Variants in LRP1B observed in about 807,000 individuals in gnomAD.
The protein encoded by LRP1B is LDL receptor related protein 1B.
LRP1B carries 217 observed loss-of-function variants against 556.6 expected under a neutral mutation model. The ratio of observed to expected loss-of-function variants is 0.39; its 90% CI spans 0.35 to 0.44. LRP1B has a LOEUF of 0.44. Ranked by LOEUF, LRP1B falls within the 20% of genes least tolerant of loss-of-function variation. The pLI is 1.00. For missense variants in LRP1B, 5,053 were observed against 5,620.8 expected (o/e 0.90, Z 3.23); for synonymous variants, 2,047 against 1,865.8 (o/e 1.10, Z -2.50).
chr2:141,645,946 A>G (rs1689547405), intron 2 of LRP1B, among the ~76,000 whole-genome samples: 1 of 152,134 alleles, frequency 6.6e-6, no homozygotes, highest in African/African-American at 2.4e-5. Flanking sequence ...AATTGCCTGG[A>G]ATTATAAGTT....
intron 7 of LRP1B, among the ~76,000 whole-genome samples, chr2:141,148,340 G>A (rs1490879009): frequency 6.6e-6 from 1 of 152,148 alleles, no homozygotes; most frequent in Non-Finnish European, 1.5e-5. Context: ...AAAATCCAAA[G>A]TAGCTGTGTA....
chr2:140,796,200 A>T (rs1263337981), intron 32 of LRP1B, among the ~76,000 whole-genome samples: 1 of 152,100 alleles, frequency 6.6e-6, no homozygotes, highest in African/African-American at 2.4e-5. Flanking sequence ...GCAGTTTACA[A>T]AGAAGAAACA....
intron 41 of LRP1B, among the ~76,000 whole-genome samples, chr2:140,623,974 A>ATATATATATATATATATATATATATATG (rs1683558863): frequency 2.9e-5 from 4 of 139,548 alleles, no homozygotes; most frequent in Admixed American, 2.2e-4. Context: ...ATATATATAT[A>ATATATATATATATATATATATATATATG]GCTTAGTTGT....
intron 2 of LRP1B, among the ~76,000 whole-genome samples, chr2:141,503,990 T>C (rs1300985646): frequency 6.6e-6 from 1 of 152,114 alleles, no homozygotes; most frequent in African/African-American, 2.4e-5. Flanking sequence ...CAAGGCTAAC[T>C]CCGAAAGCTA....
intron 1 of LRP1B, among the ~76,000 whole-genome samples, chr2:141,854,213 A>T (rs945264238): frequency 6.6e-6 from 1 of 151,990 alleles, no homozygotes; most frequent in African/African-American, 2.4e-5. Context: ...TTACATTTTT[A>T]AAAAGCATGA....
In LRP1B at chr2:140,632,833, G is replaced by A. The variant is rs376957045; in HGVS notation, c.6800-31194C>T. ...ATCCCAGCACTTTTGGGAGGCTGAG[G>A]CGCGTGGGTCACGAGGTCAGGAGAT... On this transcript the variant is annotated intron_variant, in intron 41 of 90. Transcript: ENST00000389484. Among the ~76,000 whole-genome samples, 282 of 152,240 alleles carry A rather than the reference G, an allele frequency of 1.9e-3. 3 individuals are homozygous for A. The South Asian group carries it at 0.02, about 11-fold the overall frequency.
chr2:140,787,156 T>C (rs1689933693), intron 32 of LRP1B, among the ~76,000 whole-genome samples: 1 of 152,258 alleles, frequency 6.6e-6, no homozygotes. Flanking sequence ...AAACTGGGAT[T>C]AAGTGGGTCT....
At chr2:141,978,348 T>C (rs1211414748) in intron 1 of LRP1B, among the ~76,000 whole-genome samples, 4 of 152,054 alleles carry the variant, frequency 2.6e-5, no homozygotes. Flanking sequence ...TGAATTTCAT[T>C]TGCATTAAAA....
chr2:141,551,915 T>C (rs1049160125), intron 2 of LRP1B, among the ~76,000 whole-genome samples: 4 of 152,060 alleles, frequency 2.6e-5, no homozygotes, highest in Admixed American at 1.3e-4. Flanking sequence ...GCATTGTAAA[T>C]AGTTAACAAC....
chr2:140,992,332 T>C (rs1338586628), intron 16 of LRP1B, among the ~76,000 whole-genome samples: 1 of 152,114 alleles, frequency 6.6e-6, no homozygotes, highest in Admixed American at 6.6e-5. Context: ...AACATTCTAA[T>C]TAGCAGTACA....
intron 29 of LRP1B, among the ~76,000 whole-genome samples, chr2:140,847,142 C>G (rs961958732): frequency 6.6e-6 from 1 of 152,140 alleles, no homozygotes; most frequent in Non-Finnish European, 1.5e-5. Context: ...CTTCTGATAT[C>G]TCTTACTAGA....
At chr2:141,953,330 G>A (rs898183374) in intron 1 of LRP1B, among the ~76,000 whole-genome samples, 1 of 151,898 alleles carries the variant, frequency 6.6e-6, no homozygotes, top group Non-Finnish European at 1.5e-5. Flanking sequence ...CTTTTATATT[G>A]AGTAGATTAA....
chr2:141,182,230 G>A (rs1454824854), intron 7 of LRP1B, among the ~76,000 whole-genome samples: 1 of 151,954 alleles, frequency 6.6e-6, no homozygotes, highest in Non-Finnish European at 1.5e-5. Flanking sequence ...TATTTAATAG[G>A]CTCTAGACAG....
intron 3 of LRP1B, among the ~76,000 whole-genome samples, chr2:141,433,199 TTTCC>T (rs1247028372): frequency 1.3e-5 from 2 of 152,062 alleles, no homozygotes; most frequent in African/African-American, 4.8e-5. Flanking sequence ...ATTTTCCAAA[TTTCC>T]TTCTGTTATT....
At position 141,403,284 on chromosome 2, in the gene LRP1B, T is replaced by C. The variant is rs183828012; in HGVS notation, c.343+77112A>G. ...GGCTTAAAATAGTTTAGGATAAAAT[T>C]ATCAGTTTCTATTTTGTACGTTTTA... On this transcript the variant is annotated intron_variant, in intron 3 of 90. Coordinates refer to ENST00000389484, the MANE Select transcript of LRP1B (RefSeq NM_018557.3). 7.7e-4 allele frequency among the ~76,000 whole-genome samples: 117 copies of C among 152,252 alleles called. No homozygotes were observed. In the East Asian group the frequency reaches 0.014, roughly 18 times the overall value.
At chr2:141,882,288 T>C (rs1478907369) in intron 1 of LRP1B, among the ~76,000 whole-genome samples, 1 of 152,076 alleles carries the variant, frequency 6.6e-6, no homozygotes, top group Admixed American at 6.6e-5. Context: ...AGGTACATAT[T>C]CCATTACCCC....
intron 6 of LRP1B, among the ~76,000 whole-genome samples, chr2:141,225,220 G>C (rs1683197015): frequency 6.6e-6 from 1 of 152,092 alleles, no homozygotes; most frequent in Non-Finnish European, 1.5e-5. Flanking sequence ...CCCATGAGTG[G>C]CTCAACAGAA....
At chr2:140,467,702 C>A (rs551704495) in intron 60 of LRP1B, among the ~76,000 whole-genome samples, 55 of 150,318 alleles carry the variant, frequency 3.7e-4, no homozygotes, top group African/African-American at 8.5e-4. Flanking sequence ...ATGAGTGAAA[C>A]TGACACAGAA....
intron 2 of LRP1B, among the ~76,000 whole-genome samples, chr2:141,654,467 T>C (rs1689925222): frequency 6.6e-6 from 1 of 152,102 alleles, no homozygotes; most frequent in Non-Finnish European, 1.5e-5. Flanking sequence ...TGAACAGGTG[T>C]GTTCCTGGGC....
Sources: allele counts gnomAD v4.1 joint callset (sites outside exome capture counted in the v4.1 genomes callset), GRCh38; gene constraint gnomAD v4.1.1; transcripts MANE v1.5; gene names NCBI Gene and HGNC (gene_info 2026-07-23, HGNC 2026-07-21).